Variants in ANKIB1 observed in about 807,000 individuals in gnomAD.
ANKIB1 encodes ankyrin repeat and IBR domain-containing protein 1.
Under a neutral mutation model 122.1 loss-of-function variants are expected in ANKIB1, and 43 were observed. The ratio of observed to expected loss-of-function variants is 0.35; its 90% CI spans 0.28 to 0.45. The LOEUF is 0.45. Ranked by LOEUF, ANKIB1 falls within the 20% of genes least tolerant of loss-of-function variation. The pLI is 1.00. For synonymous variants in ANKIB1, 390 were observed against 442.0 expected, an observed-to-expected ratio of 0.88 and a Z score of 1.48; for missense variants, 992 against 1,329.5, an observed-to-expected ratio of 0.75 and a Z score of 3.95.
At chr7:92,272,447 GT>G (rs1801816900) in intron 1 of ANKIB1, among the ~76,000 whole-genome samples, 1 of 152,164 alleles carries the variant, frequency 6.6e-6, no homozygotes, top group African/African-American at 2.4e-5. Context: ...ACCTTTAATT[GT>G]TTTCTTTCTC....
chr7:92,329,628 A>G (rs1803118175), intron 5 of ANKIB1, among the ~76,000 whole-genome samples: 1 of 152,216 alleles, frequency 6.6e-6, no homozygotes, highest in Admixed American at 6.5e-5. Flanking sequence ...GGATGATCAC[A>G]GCTGGACTCA....
At chr7:92,323,513 C>T (rs1325281806) in intron 4 of ANKIB1, among the ~76,000 whole-genome samples, 1 of 152,100 alleles carries the variant, frequency 6.6e-6, no homozygotes, top group Non-Finnish European at 1.5e-5. Context: ...CTTGCTAATA[C>T]TATGATCACA....
At chr7:92,322,900 T>A (rs889009421) in intron 4 of ANKIB1, among the ~76,000 whole-genome samples, 3 of 152,216 alleles carry the variant, frequency 2.0e-5, no homozygotes, top group Non-Finnish European at 4.4e-5. Flanking sequence ...TGACTTACTA[T>A]GTGACCTTGA....
chr7:92,296,245 C>T (rs1164872425), intron 2 of ANKIB1, among the ~76,000 whole-genome samples: 1 of 151,578 alleles, frequency 6.6e-6, no homozygotes, highest in Non-Finnish European at 1.5e-5. Flanking sequence ...TTAATAGAAA[C>T]GGTGTCTTGC....
At chr7:92,290,526 T>C (rs1802224781) in intron 1 of ANKIB1, among the ~76,000 whole-genome samples, 1 of 151,984 alleles carries the variant, frequency 6.6e-6, no homozygotes, top group South Asian at 2.1e-4. Flanking sequence ...AAATTGAGTA[T>C]GAGTGTGTGT....
At chr7:92,293,093 A>G (rs998846504) in intron 1 of ANKIB1, among the ~76,000 whole-genome samples, 2 of 152,208 alleles carry the variant, frequency 1.3e-5, no homozygotes, top group African/African-American at 4.8e-5. Flanking sequence ...TAGGCTTGGC[A>G]GACATCTTAC....
intron 6 of ANKIB1, among the ~76,000 whole-genome samples, chr7:92,344,193 G>GTT (rs67933063): frequency 0.01 from 990 of 97,608 alleles, 97 homozygotes; most frequent in African/African-American, 0.02. Flanking sequence ...TGTGTTTTTG[G>GTT]TTTTTTTTTT....
intron 1 of ANKIB1, among the ~76,000 whole-genome samples, chr7:92,259,457 T>C (rs377438630): frequency 8.9e-4 from 135 of 152,330 alleles, no homozygotes; most frequent in African/African-American, 3.1e-3. Context: ...TATCTGTATA[T>C]TAAATAATTT....
intron 1 of ANKIB1, among the ~76,000 whole-genome samples, chr7:92,258,049 TA>T (rs1419450092): frequency 1.3e-5 from 2 of 152,242 alleles, no homozygotes; most frequent in Non-Finnish European, 1.5e-5. Flanking sequence ...CAGAATTACT[TA>T]AAAAAATTAG....
At chr7:92,322,786 T>C (rs1802940106) in intron 4 of ANKIB1, among the ~76,000 whole-genome samples, 1 of 152,174 alleles carries the variant, frequency 6.6e-6, no homozygotes, top group African/African-American at 2.4e-5. Context: ...AAGGCTGCAG[T>C]GAATATTTGT....
intron 1 of ANKIB1, among the ~76,000 whole-genome samples, chr7:92,249,036 C>G (rs181647554): frequency 2.0e-3 from 303 of 151,870 alleles, no homozygotes; most frequent in African/African-American, 6.8e-3. Flanking sequence ...TACAGGTGCC[C>G]GCCACCACAC....
intron 11 of ANKIB1, among the ~76,000 whole-genome samples, chr7:92,383,643 A>T (rs1387474711): frequency 1.3e-5 from 2 of 152,228 alleles, no homozygotes; most frequent in Non-Finnish European, 2.9e-5. Context: ...CAAAAACCAC[A>T]TGATCATCTC....
At chr7:92,311,348 G>C (rs1396799053) in intron 3 of ANKIB1, among the ~76,000 whole-genome samples, 1 of 152,046 alleles carries the variant, frequency 6.6e-6, no homozygotes, top group Non-Finnish European at 1.5e-5. Flanking sequence ...TTTCCTCTTG[G>C]GTGGTTGGAA....
At chr7:92,388,158 C>CTTTTTTTTGTTTT in intron 14 of ANKIB1, 117 bp downstream of exon 14, 1 of 1,013,908 alleles carries the variant, frequency 9.9e-7, no homozygotes. Context: ...TGTTCTGGTA[C>CTTTTTTTTGTTTT]TGTTTTGAGT....
rs149289512 is a variant in ANKIB1, at chr7:92,393,883, A to G, written c.2283+1591A>G. Among the ~76,000 whole-genome samples, 56 of 152,284 alleles carry G rather than the reference A, an allele frequency of 3.7e-4. No homozygotes were observed. The East Asian group carries it at 0.011, about 29-fold the overall frequency. On this transcript the variant is annotated intron_variant, in intron 17 of 19. Coordinates refer to ENST00000265742, the MANE Select transcript of ANKIB1 (RefSeq NM_019004.2). ...ACTGCCAAAGTTATATTTTTGAAAA[A>G]TAGCTCTTTGCCTTAATAGTGAGGG...
In ANKIB1 at chr7:92,246,474, G is replaced by A. The variant is rs753244560; in HGVS notation, c.-136G>A. The A allele has an allele frequency of 3.3e-5, 17 of 518,268 alleles. No homozygotes were observed. The highest frequency in any genetic ancestry group is 6.2e-5 in the Non-Finnish European group (16 of 259,808). 32.1% of individuals were successfully genotyped at this position (518,268 alleles called of 1,614,324 possible). ...CAGGGGCGGCGGAGGCGGAACTGCG[G>A]AGTTGCTGGGTCCACCGACCCTTAC... On this transcript the variant is annotated 5_prime_UTR_variant, in exon 1 of 20. Coordinates refer to ENST00000265742, the MANE Select transcript of ANKIB1 (RefSeq NM_019004.2).
At chr7:92,336,004 G>A (rs1267279105) in intron 5 of ANKIB1, among the ~76,000 whole-genome samples, 1 of 151,762 alleles carries the variant, frequency 6.6e-6, no homozygotes, top group Non-Finnish European at 1.5e-5. Flanking sequence ...AGTCTATTTA[G>A]CATTAGTGTA....
At chr7:92,279,320 T>C (rs1801971308) in intron 1 of ANKIB1, among the ~76,000 whole-genome samples, 1 of 152,152 alleles carries the variant, frequency 6.6e-6, no homozygotes. Flanking sequence ...CTGTCAGGAA[T>C]AGGTGTGGAG....
chr7:92,274,567 T>TA (rs575179600), intron 1 of ANKIB1, among the ~76,000 whole-genome samples: 34 of 146,814 alleles, frequency 2.3e-4, no homozygotes, highest in East Asian at 1.8e-3. Flanking sequence ...TGTGGTCATT[T>TA]AAAAAAAAAA....
Sources: allele counts gnomAD v4.1 joint callset (sites outside exome capture counted in the v4.1 genomes callset), GRCh38; gene constraint gnomAD v4.1.1; transcripts MANE v1.5; gene names NCBI Gene and HGNC (gene_info 2026-07-23, HGNC 2026-07-21).